MTUS2: variants seen among roughly 807,000 people sequenced by gnomAD.
MTUS2 encodes the protein microtubule associated scaffold protein 2, also known as microtubule-associated tumor suppressor candidate 2.
In MTUS2, 40 loss-of-function variants were observed where a neutral mutation model predicts 114.1. The ratio of observed to expected loss-of-function variants is 0.35; its 90% CI spans 0.27 to 0.46. The LOEUF (loss-of-function observed/expected upper bound fraction) is 0.46. Among genes scored for constraint, MTUS2 ranks in the 20% least tolerant of loss-of-function variants. The pLI is 1.00. For missense variants in MTUS2, 1,679 were observed against 1,705.4 expected (o/e 0.98, Z 0.27); for synonymous variants, 688 against 672.0 (o/e 1.02, Z -0.37).
At chr13:29,170,939 G>A (rs1386742286) in intron 5 of MTUS2, among the ~76,000 whole-genome samples, 1 of 152,188 alleles carries the variant, frequency 6.6e-6, no homozygotes, top group Non-Finnish European at 1.5e-5. Context: ...GCGAGGGAGT[G>A]TGGCTTACTA....
At chr13:29,472,609 T>C (rs1290219546) in intron 9 of MTUS2, among the ~76,000 whole-genome samples, 1 of 152,216 alleles carries the variant, frequency 6.6e-6, no homozygotes, top group South Asian at 2.1e-4. Flanking sequence ...AAAGAAAAAC[T>C]ACACTGCATA....
intron 2 of MTUS2, among the ~76,000 whole-genome samples, chr13:29,017,052 T>C (rs1274850741): frequency 2.0e-5 from 3 of 152,280 alleles, no homozygotes; most frequent in African/African-American, 4.8e-5. Context: ...GCAGAAAACA[T>C]GGAGGTATTA....
chr13:28,952,990 T>G (rs1433891142), intron 2 of MTUS2, among the ~76,000 whole-genome samples: 1 of 152,248 alleles, frequency 6.6e-6, no homozygotes, highest in Non-Finnish European at 1.5e-5. Context: ...AGATTGCTTC[T>G]AAAATTTTTT....
At chr13:28,859,952 CT>C (rs1332659144) in intron 2 of MTUS2, among the ~76,000 whole-genome samples, 1 of 152,260 alleles carries the variant, frequency 6.6e-6, no homozygotes, top group East Asian at 1.9e-4. Context: ...ATCCTGCCTA[CT>C]TTCATTGCAG....
chr13:29,102,300 G>A (rs1446440375), intron 5 of MTUS2, among the ~76,000 whole-genome samples: 1 of 152,088 alleles, frequency 6.6e-6, no homozygotes, highest in Admixed American at 6.5e-5. Flanking sequence ...AGAGAAAGTA[G>A]TATGAAGGAA....
rs542891070 is a variant in MTUS2 at position 29,473,127 on chromosome 13, A to G, written c.3185-7023A>G. Among the ~76,000 whole-genome samples the G allele has an allele frequency of 6.6e-5, 10 of 152,232 alleles. No homozygotes were observed. In the South Asian group the frequency reaches 2.1e-3, roughly 32 times the overall value. ...TAAATATGTAAATAATATATACTATATGTGTGTATATATAATGGTAACATG... is the reference window on the plus strand; with the variant it reads ...TAAATATGTAAATAATATATACTATGTGTGTGTATATATAATGGTAACATG... On this transcript the variant is annotated intron_variant, in intron 9 of 15. Transcript: ENST00000612955.
chr13:29,184,692 A>G (rs945232221), intron 5 of MTUS2, among the ~76,000 whole-genome samples: 4 of 152,242 alleles, frequency 2.6e-5, no homozygotes, highest in African/African-American at 9.6e-5. Context: ...CGTTAGTGGC[A>G]CACGTGACAA....
At chr13:29,495,369 A>AT (rs1239305683) in intron 12 of MTUS2, among the ~76,000 whole-genome samples, 1 of 149,302 alleles carries the variant, frequency 6.7e-6, no homozygotes, top group Non-Finnish European at 1.5e-5. Context: ...AAAAAAAAAA[A>AT]AAAAAAAAAA....
intron 5 of MTUS2, among the ~76,000 whole-genome samples, chr13:29,108,264 C>G (rs1201311982): frequency 6.6e-6 from 1 of 152,178 alleles, no homozygotes; most frequent in African/African-American, 2.4e-5. Flanking sequence ...GAAGCTATTG[C>G]CTGTTTGATG....
At chr13:28,998,118 TG>T (rs1885205537) in intron 2 of MTUS2, among the ~76,000 whole-genome samples, 1 of 151,740 alleles carries the variant, frequency 6.6e-6, no homozygotes, top group Non-Finnish European at 1.5e-5. Context: ...TTTGCTTTGC[TG>T]TAAAGGATTT....
intron 8 of MTUS2, among the ~76,000 whole-genome samples, chr13:29,362,997 G>T (rs760785165): frequency 6.6e-6 from 1 of 152,204 alleles, no homozygotes; most frequent in African/African-American, 2.4e-5. Flanking sequence ...GTTGCAGGCA[G>T]CTCTGCCCCT....
chr13:29,229,538 A>G (rs975582147), intron 5 of MTUS2, among the ~76,000 whole-genome samples: 1 of 152,356 alleles, frequency 6.6e-6, no homozygotes, highest in Middle Eastern at 3.4e-3. Context: ...AAAAGTATGA[A>G]TCCTGTAGTT....
At chr13:28,976,717 G>A (rs1360400261) in intron 2 of MTUS2, among the ~76,000 whole-genome samples, 1 of 152,198 alleles carries the variant, frequency 6.6e-6, no homozygotes, top group East Asian at 1.9e-4. Flanking sequence ...TAAATGGGCT[G>A]TGGTGAGGGA....
At chr13:29,432,886 G>A (rs1877112743) in intron 8 of MTUS2, among the ~76,000 whole-genome samples, 1 of 152,212 alleles carries the variant, frequency 6.6e-6, no homozygotes, top group Admixed American at 6.5e-5. Context: ...TGGGAGTTGG[G>A]AGAGGCACCT....
At chr13:29,028,337 G>A (rs1265688588) in intron 3 of MTUS2, among the ~76,000 whole-genome samples, 5 of 130,728 alleles carry the variant, frequency 3.8e-5, no homozygotes, top group South Asian at 2.2e-4. Flanking sequence ...GCAACAGAGC[G>A]CGACTCAGTC....
intron 7 of MTUS2, among the ~76,000 whole-genome samples, chr13:29,341,150 C>G (rs1901373366): frequency 6.6e-6 from 1 of 152,142 alleles, no homozygotes; most frequent in African/African-American, 2.4e-5. Flanking sequence ...AATTCTTTTC[C>G]TCTGGGTAGA....
intron 8 of MTUS2, among the ~76,000 whole-genome samples, chr13:29,365,433 G>T (rs1870620428): frequency 6.6e-6 from 1 of 151,828 alleles, no homozygotes; most frequent in Non-Finnish European, 1.5e-5. Flanking sequence ...ACAGATACCT[G>T]ACCAAGGTGA....
intron 2 of MTUS2, among the ~76,000 whole-genome samples, chr13:28,840,942 T>C (rs1342863218): frequency 6.6e-6 from 1 of 152,214 alleles, no homozygotes; most frequent in Non-Finnish European, 1.5e-5. Flanking sequence ...TTAAACTAAA[T>C]TTATGACTGA....
intron 9 of MTUS2, among the ~76,000 whole-genome samples, chr13:29,463,494 T>C (rs1477300093): frequency 6.6e-6 from 1 of 152,210 alleles, no homozygotes; most frequent in African/African-American, 2.4e-5. Flanking sequence ...TTTGTGCCTG[T>C]TGACTTCAGT....
Sources: allele counts gnomAD v4.1 joint callset (sites outside exome capture counted in the v4.1 genomes callset), GRCh38; gene constraint gnomAD v4.1.1; transcripts MANE v1.5; gene names NCBI Gene and HGNC (gene_info 2026-07-23, HGNC 2026-07-21).